The following KIAA1671 variants were observed in gnomAD, a reference collection of about 807,000 sequenced individuals.
KIAA1671 encodes the protein uncharacterized protein KIAA1671.
KIAA1671 carries 52 observed loss-of-function variants against 131.2 expected under a neutral mutation model. The ratio of observed to expected loss-of-function variants is 0.40; its 90% CI spans 0.32 to 0.50. KIAA1671 has a LOEUF of 0.50. Ranked by LOEUF, KIAA1671 falls within the 20% of genes least tolerant of loss-of-function variation. The pLI, the probability that KIAA1671 is intolerant of heterozygous loss-of-function variation, is 0.73. For synonymous variants in KIAA1671, 1,003 were observed against 961.6 expected (o/e 1.04, Z -0.80); for missense variants, 2,360 against 2,364.2 (o/e 1.00, Z 0.04).
At chr22:24,957,671 C>CTTTTTTTTTT (rs886130979) in intron 1 of KIAA1671, among the ~76,000 whole-genome samples, 14 of 100,322 alleles carry the variant, frequency 1.4e-4, no homozygotes, top group Non-Finnish European at 2.3e-4. Flanking sequence ...TCTTTTGTTC[C>CTTTTTTTTTT]TTTTTTTTTT....
intron 3 of KIAA1671, among the ~76,000 whole-genome samples, chr22:25,029,868 G>A (rs1926181634): frequency 6.6e-6 from 1 of 152,194 alleles, no homozygotes; most frequent in Non-Finnish European, 1.5e-5. Flanking sequence ...GGGGAGGTGG[G>A]AGCTGGATGG....
intron 6 of KIAA1671, chr22:25,051,745 T>A (rs1423524017): frequency 6.6e-6 from 1 of 152,244 alleles, no homozygotes; most frequent in African/African-American, 2.4e-5. Context: ...CTGGTGGCTG[T>A]CCCTGCTCCT....
chr22:25,003,104 C>T (rs1300582133), intron 1 of KIAA1671, among the ~76,000 whole-genome samples: 2 of 151,998 alleles, frequency 1.3e-5, no homozygotes, highest in African/African-American at 2.4e-5. Context: ...TTTTTTTTCC[C>T]TCTTATTACA....
chr22:25,168,109 AGAG>A (rs1206436909), intron 6 of KIAA1671, among the ~76,000 whole-genome samples: 1 of 152,206 alleles, frequency 6.6e-6, no homozygotes, highest in Admixed American at 6.5e-5. Flanking sequence ...GAACCTGAGA[AGAG>A]GCTGGCTCCC....
rs1406456111 is a variant in KIAA1671 at position 25,195,660 on chromosome 22, G to C, written c.*3259G>C. The C allele has an allele frequency of 6.6e-6, 1 of 152,198 alleles. No individual in the cohort carries two copies. The highest frequency in any genetic ancestry group is 2.4e-5 in the African/African-American group (1 of 41,452). 9.4% of individuals were successfully genotyped at this position (152,198 alleles called of 1,614,324 possible). On this transcript the variant is annotated 3_prime_UTR_variant, in exon 13 of 13. Transcript: ENST00000358431. ...GGCAAAGGATTTAGAAAGACCCTTA[G>C]CATGATTTTCCTAAAAGAGACCTTA...
intron 1 of KIAA1671, chr22:25,024,300 A>G (rs1231181426): frequency 6.6e-6 from 1 of 152,284 alleles, no homozygotes; most frequent in Non-Finnish European, 1.5e-5. Context: ...AGGAAAATCC[A>G]TGCAGAGAAG....
At chr22:25,177,294 C>T in intron 8 of KIAA1671, 54 bp from the exon 9 acceptor site, 2 of 1,483,508 alleles carry the variant, frequency 1.3e-6, no homozygotes, top group South Asian at 1.3e-5. Context: ...TTGTGGTACC[C>T]TCCATTGATG....
intron 6 of KIAA1671, among the ~76,000 whole-genome samples, chr22:25,139,244 C>G (rs904089321): frequency 6.6e-6 from 1 of 151,000 alleles, no homozygotes; most frequent in Non-Finnish European, 1.5e-5. Context: ...CCGAGGCCCC[C>G]CTGATGGGGC....
intron 1 of KIAA1671, among the ~76,000 whole-genome samples, chr22:25,004,524 G>A (rs2123866701): frequency 6.6e-6 from 1 of 152,298 alleles, no homozygotes; most frequent in Middle Eastern, 3.4e-3. Context: ...TATAGACAGT[G>A]AAAAGTCTCT....
intron 6 of KIAA1671, among the ~76,000 whole-genome samples, chr22:25,084,382 G>A (rs1008923058): frequency 6.0e-5 from 9 of 149,294 alleles, no homozygotes; most frequent in African/African-American, 2.0e-4. Flanking sequence ...GGCTGAGGCA[G>A]GAGAATCGCT....
At chr22:25,173,577 C>T (rs1365703159) in intron 7 of KIAA1671, among the ~76,000 whole-genome samples, 2 of 152,146 alleles carry the variant, frequency 1.3e-5, no homozygotes, top group African/African-American at 4.8e-5. Flanking sequence ...TATTGAAACA[C>T]CACTCTGTAC....
chr22:25,093,852 C>CTT (rs1930261799), intron 6 of KIAA1671, among the ~76,000 whole-genome samples: 1 of 121,080 alleles, frequency 8.3e-6, no homozygotes, highest in African/African-American at 2.9e-5. Context: ...CTCTCTCTCT[C>CTT]TCTCTCTCTC....
At chr22:25,021,241 T>C (rs1401415431) in intron 1 of KIAA1671, among the ~76,000 whole-genome samples, 1 of 152,046 alleles carries the variant, frequency 6.6e-6, no homozygotes, top group African/African-American at 2.4e-5. Context: ...TATTTTTTAG[T>C]AGAGATGGGT....
intron 6 of KIAA1671, among the ~76,000 whole-genome samples, chr22:25,091,797 C>T (rs573813175): frequency 2.6e-5 from 4 of 152,278 alleles, no homozygotes; most frequent in Middle Eastern, 3.4e-3. Flanking sequence ...GCTGAGCCCC[C>T]GCTGACTGAA....
At chr22:25,137,693 G>A (rs1053367510) in intron 6 of KIAA1671, among the ~76,000 whole-genome samples, 2 of 152,214 alleles carry the variant, frequency 1.3e-5, no homozygotes, top group African/African-American at 4.8e-5. Context: ...TTCACTTTCT[G>A]CTCAATCACT....
Position 25,028,455 on chromosome 22 carries a change from CG to C in KIAA1671, c.458del (p.Gly153AlafsTer17). ...TGATTCTCTTCGAAACCACCAAAAG[CG>C]GCCCCGCTCTGGGGAAGGCGGTTAG... is the stretch of plus-strand genomic sequence containing the variant. ...TMILFETTKS[G>X]PALGKAVSEG... On this transcript the variant is annotated frameshift_variant, in exon 3 of 13. Transcript: ENST00000358431. LOFTEE classifies it high-confidence loss of function. 6.4e-7 allele frequency: 1 copy of C among 1,550,422 alleles called. No homozygotes were observed. The highest frequency in any genetic ancestry group is 1.2e-5 in the South Asian group (1 of 83,864).
chr22:25,143,551 G>A (rs1932835185), intron 6 of KIAA1671, among the ~76,000 whole-genome samples: 2 of 151,980 alleles, frequency 1.3e-5, no homozygotes, highest in African/African-American at 2.4e-5. Context: ...ATTGTCATGG[G>A]CTGTGAAATG....
chr22:25,049,516 C>A, intron 6 of KIAA1671, 152 bp downstream of exon 6: 1 of 821,058 alleles, frequency 1.2e-6, no homozygotes, highest in Non-Finnish European at 1.8e-6. Flanking sequence ...TGTCACCTGA[C>A]TAGCTGTGTT....
intron 6 of KIAA1671, among the ~76,000 whole-genome samples, chr22:25,076,014 G>A (rs1929090309): frequency 6.6e-6 from 1 of 151,080 alleles, no homozygotes; most frequent in Non-Finnish European, 1.5e-5. Flanking sequence ...GACCTCAGGT[G>A]ATCCACCCGC....
Sources: gnomAD v4.1 joint callset for allele counts (sites outside exome capture counted in the v4.1 genomes callset) on GRCh38, gnomAD v4.1.1 for gene constraint, MANE v1.5 for transcripts, NCBI Gene and HGNC (gene_info 2026-07-23, HGNC 2026-07-21) for gene names.